CCDC141: variants seen among roughly 807,000 people sequenced by gnomAD.
CCDC141 encodes the protein coiled-coil domain-containing protein 141.
CCDC141 carries 168 observed loss-of-function variants against 181.0 expected under a neutral mutation model. That is an observed-to-expected ratio of 0.93 (90% CI 0.82 to 1.05). CCDC141 has a LOEUF of 1.05. CCDC141 is among the 50% of genes least tolerant of loss of function. The probability of loss-of-function intolerance (pLI) is 0.00; values close to 1 mark genes in which losing one functional copy is unlikely to be tolerated. For synonymous variants in CCDC141, 666 were observed against 642.3 expected (o/e 1.04, Z -0.56); for missense variants, 1,902 against 1,788.5 (o/e 1.06, Z -1.14).
chr2:178,846,544 A>G (rs1158087046), intron 21 of CCDC141, among the ~76,000 whole-genome samples: 3 of 152,214 alleles, frequency 2.0e-5, no homozygotes, highest in Non-Finnish European at 4.4e-5. Flanking sequence ...AGGGAGACCC[A>G]CTACTGGGGA....
At chr2:178,858,367 A>C (rs1558932705) in intron 17 of CCDC141, among the ~76,000 whole-genome samples, 1 of 152,164 alleles carries the variant, frequency 6.6e-6, no homozygotes, top group Non-Finnish European at 1.5e-5. Context: ...TATAAGATTG[A>C]GATATAAAGG....
Position 178,885,033 on chromosome 2 carries a change from T to C in CCDC141, c.1587A>G (p.Val529=), listed in dbSNP as rs370398580. ...AGGAAAGTGATACCATTTCATCAGA[T>C]ACAAATTCATTTTTCTCCATCATGG... ...AKTMMEKNEF[V]SDEMVSLSSK... is the part of the protein sequence containing the mutation. Residue 529 remains valine, a synonymous_variant, in exon 11 of 24, where the codon GTA becomes GTG. Coordinates refer to ENST00000443758, the MANE Select transcript of CCDC141 (RefSeq NM_173648.4). 5.0e-5 allele frequency: 78 copies of C among 1,550,442 alleles called. No homozygotes were observed. In the African/African-American group the frequency reaches 9.2e-4, roughly 18 times the overall value.
At chr2:178,932,103 A>C (rs756612847) in intron 6 of CCDC141, among the ~76,000 whole-genome samples, 4 of 152,196 alleles carry the variant, frequency 2.6e-5, no homozygotes, top group Non-Finnish European at 4.4e-5. Context: ...AGCCTGAATA[A>C]GCCATGATTG....
intron 2 of CCDC141, among the ~76,000 whole-genome samples, chr2:178,989,157 T>C (rs1366375130): frequency 6.6e-6 from 1 of 152,020 alleles, no homozygotes; most frequent in Non-Finnish European, 1.5e-5. Flanking sequence ...TAAATTGGAC[T>C]TCATCAAAAT....
intron 2 of CCDC141, among the ~76,000 whole-genome samples, chr2:178,991,622 A>G (rs1310760817): frequency 1.3e-5 from 2 of 152,118 alleles, no homozygotes; most frequent in African/African-American, 4.8e-5. Flanking sequence ...TTAGTGTTTG[A>G]TAGTAGAGTG....
At chr2:179,008,087 A>C (rs527446302) in intron 2 of CCDC141, among the ~76,000 whole-genome samples, 1 of 152,324 alleles carries the variant, frequency 6.6e-6, no homozygotes, top group Admixed American at 6.5e-5. Context: ...CTGAGCCCTA[A>C]TTTTAAAATT....
intron 2 of CCDC141, among the ~76,000 whole-genome samples, chr2:179,024,430 A>G (rs1559055870): frequency 1.3e-5 from 2 of 152,246 alleles, no homozygotes; most frequent in Non-Finnish European, 2.9e-5. Context: ...TTCCACAAAC[A>G]TTTGTTGTAC....
At chr2:179,030,379 T>A (rs1224378625) in intron 2 of CCDC141, among the ~76,000 whole-genome samples, 1 of 152,094 alleles carries the variant, frequency 6.6e-6, no homozygotes, top group African/African-American at 2.4e-5. Flanking sequence ...CTTTTAGCTA[T>A]TTTTAGAATC....
At chr2:178,932,358 A>C (rs1168335177) in intron 6 of CCDC141, among the ~76,000 whole-genome samples, 1 of 152,200 alleles carries the variant, frequency 6.6e-6, no homozygotes, top group Non-Finnish European at 1.5e-5. Context: ...GCTCAAATTT[A>C]ACTCCAATTC....
intron 6 of CCDC141, among the ~76,000 whole-genome samples, chr2:178,930,177 T>G (rs1246964716): frequency 6.6e-6 from 1 of 151,810 alleles, no homozygotes; most frequent in African/African-American, 2.4e-5. Context: ...TTGAACAACC[T>G]GAAAAGGAAA....
intron 2 of CCDC141, among the ~76,000 whole-genome samples, chr2:179,008,794 A>G (rs965068637): frequency 6.6e-6 from 1 of 152,146 alleles, no homozygotes; most frequent in African/African-American, 2.4e-5. Flanking sequence ...GGTACCTGAA[A>G]ATGTCCCTCT....
rs996610799 is a variant in CCDC141, at chr2:178,894,827, G to A, written c.1266-6159C>T. 5.9e-5 allele frequency among the ~76,000 whole-genome samples: 9 copies of A among 152,098 alleles called. No homozygotes were observed. The South Asian group carries it at 6.2e-4, about 11-fold the overall frequency. Reference sequence around the variant, plus strand: ...TATAGAAGAGAAAAAAAAGGTAATAGCAGAAAAGTAATATTTAAAAAGATA... The same window carrying A: ...TATAGAAGAGAAAAAAAAGGTAATAACAGAAAAGTAATATTTAAAAAGATA... On this transcript the variant is annotated intron_variant, in intron 8 of 23. Coordinates refer to ENST00000443758, the MANE Select transcript of CCDC141 (RefSeq NM_173648.4).
intron 2 of CCDC141, among the ~76,000 whole-genome samples, chr2:179,046,189 C>T (rs547468666): frequency 1.3e-5 from 2 of 152,188 alleles, no homozygotes; most frequent in African/African-American, 4.8e-5. Flanking sequence ...TCTCTTTGAA[C>T]CTCTTTGATC....
chr2:178,853,921 C>G (rs1292222557), intron 19 of CCDC141, among the ~76,000 whole-genome samples: 1 of 151,954 alleles, frequency 6.6e-6, no homozygotes, highest in Non-Finnish European at 1.5e-5. Flanking sequence ...AATATAATTC[C>G]TAAGAGGAAT....
chr2:179,048,643 C>T (rs79082182), intron 1 of CCDC141, among the ~76,000 whole-genome samples: 5,063 of 152,250 alleles, frequency 0.033, 96 homozygotes, highest in South Asian at 0.058. Flanking sequence ...TAATCCCGTG[C>T]AAATGATCTG....
chr2:178,945,234 C>G (rs940780779), intron 5 of CCDC141, among the ~76,000 whole-genome samples: 5 of 152,072 alleles, frequency 3.3e-5, no homozygotes, highest in African/African-American at 1.2e-4. Flanking sequence ...TAATCTGTAC[C>G]TTTCTAAATG....
At chr2:178,896,725 C>T (rs1464040028) in intron 8 of CCDC141, among the ~76,000 whole-genome samples, 1 of 152,226 alleles carries the variant, frequency 6.6e-6, no homozygotes, top group East Asian at 1.9e-4. Flanking sequence ...GTACTCACAC[C>T]AACCCTTACT....
intron 2 of CCDC141, among the ~76,000 whole-genome samples, chr2:179,036,676 G>C (rs566924249): frequency 6.6e-6 from 1 of 152,290 alleles, no homozygotes; most frequent in Admixed American, 6.5e-5. Flanking sequence ...CCCTAAAAGA[G>C]AAATTAAAGC....
chr2:178,849,876 T>C (rs1011735670), intron 21 of CCDC141, among the ~76,000 whole-genome samples, 173 bp downstream of exon 21: 1 of 148,348 alleles, frequency 6.7e-6, no homozygotes, highest in Non-Finnish European at 1.5e-5. Context: ...GGGAAAGAAA[T>C]AGAATTAATT....
Sources: allele counts gnomAD v4.1 joint callset (sites outside exome capture counted in the v4.1 genomes callset), GRCh38; gene constraint gnomAD v4.1.1; transcripts MANE v1.5; gene names NCBI Gene and HGNC (gene_info 2026-07-23, HGNC 2026-07-21).